The following LRTM3 variants were observed in gnomAD, a reference collection of about 807,000 sequenced individuals.
LRTM3 encodes the protein leucine-rich repeat transmembrane protein 3.
the LRTM3 span, chr13:102,740,462 T>C: frequency 1.3e-6 from 2 of 1,550,226 alleles, no homozygotes; most frequent in Non-Finnish European, 1.7e-6. Context: ...GAGACAGGGA[T>C]ACTTTTGAGG....
the LRTM3 span, among the ~76,000 whole-genome samples, chr13:102,755,455 T>G: frequency 0.71 from 107,768 of 152,028 alleles, 39,645 homozygotes; most frequent in South Asian, 0.84. Context: ...ATACATCATG[T>G]AATGCCATGC....
the LRTM3 span, chr13:102,737,151 G>T: frequency 6.4e-7 from 1 of 1,551,004 alleles, no homozygotes; most frequent in Non-Finnish European, 8.7e-7. Context: ...CCTTCAGGTT[G>T]CATTATATAA....
chr13:102,743,269 T>C, the LRTM3 span: 1 of 1,550,708 alleles, frequency 6.4e-7, no homozygotes, highest in Non-Finnish European at 8.7e-7. Context: ...CTATTTGTGT[T>C]GGTTGTGTAT....
At chr13:102,743,791 C>G in the LRTM3 span, 3 of 1,550,454 alleles carry the variant, frequency 1.9e-6, no homozygotes, top group Non-Finnish European at 2.6e-6. Flanking sequence ...TTGACGACTT[C>G]TTTTCCTTCA....
chr13:102,752,144 G>T, the LRTM3 span, among the ~76,000 whole-genome samples: 4 of 152,294 alleles, frequency 2.6e-5, no homozygotes, highest in Non-Finnish European at 4.4e-5. Flanking sequence ...AGGATGTGCA[G>T]TGGGGGTTTT....
chr13:102,742,454 CT>C, the LRTM3 span: 1 of 1,548,582 alleles, frequency 6.5e-7, no homozygotes, highest in Non-Finnish European at 8.7e-7. Context: ...GGGATCTGCC[CT>C]TGTTTTCCAG....
chr13:102,757,264 C>G, the LRTM3 span, among the ~76,000 whole-genome samples: 4 of 152,182 alleles, frequency 2.6e-5, no homozygotes, highest in Non-Finnish European at 5.9e-5. Context: ...GTTGCTAGTA[C>G]CCAATACAAC....
At chr13:102,747,441 CA>C in the LRTM3 span, 1 of 1,547,860 alleles carries the variant, frequency 6.5e-7, no homozygotes, top group Non-Finnish European at 8.7e-7. Flanking sequence ...ACATATTTGA[CA>C]CTGAGTACAC....
the LRTM3 span, chr13:102,745,861 C>A: frequency 6.4e-7 from 1 of 1,551,044 alleles, no homozygotes; most frequent in Non-Finnish European, 8.7e-7. Context: ...ATGAAGTAGA[C>A]TTCAAAATAG....
the LRTM3 span, chr13:102,740,504 G>C: frequency 2.6e-6 from 4 of 1,549,996 alleles, no homozygotes; most frequent in Non-Finnish European, 3.5e-6. Flanking sequence ...GTTCTCATAG[G>C]AAATTGGTAG....
the LRTM3 span, chr13:102,748,844 T>C: frequency 6.4e-7 from 1 of 1,550,478 alleles, no homozygotes; most frequent in Non-Finnish European, 8.7e-7. Context: ...TGGTGAAATG[T>C]TTTTTAGTCT....
chr13:102,737,108 G>A, the LRTM3 span: 1 of 1,551,080 alleles, frequency 6.4e-7, no homozygotes, highest in East Asian at 2.4e-5. Flanking sequence ...GAGTGTATGT[G>A]GAAGTGATAA....
chr13:102,743,982 G>A, the LRTM3 span: 24 of 1,550,190 alleles, frequency 1.5e-5, no homozygotes, highest in East Asian at 4.9e-5. Context: ...TTTTGTCGGC[G>A]TGTTCTGTTA....
chr13:102,738,613 A>C, the LRTM3 span: 1 of 1,549,894 alleles, frequency 6.5e-7, no homozygotes, highest in African/African-American at 1.4e-5. Flanking sequence ...CCTTTTTTAC[A>C]CTGTTTGAGA....
the LRTM3 span, chr13:102,748,939 C>G: frequency 6.4e-7 from 1 of 1,550,544 alleles, no homozygotes; most frequent in South Asian, 1.2e-5. Context: ...AATTGATTTT[C>G]TCTGTATCTG....
chr13:102,742,023 T>C, the LRTM3 span: 2 of 1,550,504 alleles, frequency 1.3e-6, no homozygotes, highest in Non-Finnish European at 1.7e-6. Flanking sequence ...TGCATTTCTT[T>C]TAGTGGTTTC....
the LRTM3 span, chr13:102,749,112 C>T: frequency 6.5e-7 from 1 of 1,549,888 alleles, no homozygotes; most frequent in Non-Finnish European, 8.7e-7. Flanking sequence ...TCATGTAATT[C>T]TTTCTTCTCA....
At chr13:102,733,716 T>C in the LRTM3 span, 2 of 1,551,222 alleles carry the variant, frequency 1.3e-6, no homozygotes, top group Non-Finnish European at 8.7e-7. Context: ...GTGAAATAAA[T>C]GTCCTCATCC....
chr13:102,752,900 A>T, the LRTM3 span, among the ~76,000 whole-genome samples: 1 of 152,210 alleles, frequency 6.6e-6, no homozygotes, highest in East Asian at 1.9e-4. Flanking sequence ...TAACTGATTA[A>T]ATTAACTTAT....
Sources: allele counts gnomAD v4.1 joint callset (sites outside exome capture counted in the v4.1 genomes callset), GRCh38; gene constraint gnomAD v4.1.1; transcripts MANE v1.5; gene names NCBI Gene and HGNC (gene_info 2026-07-23, HGNC 2026-07-21).